Variants in SMIM21 observed in about 807,000 individuals in gnomAD.
SMIM21 encodes the protein small integral membrane protein 21.
SMIM21 carries 8 observed loss-of-function variants against 8.6 expected under a neutral mutation model. The observed-to-expected ratio is 0.93, with a 90% CI of 0.55 to 1.68. The LOEUF is 1.68. Among genes scored for constraint, SMIM21 ranks in the 40% most tolerant of loss-of-function variants. The pLI, the probability that SMIM21 is intolerant of heterozygous loss-of-function variation, is 0.00. For synonymous variants in SMIM21, 43 were observed against 41.7 expected (o/e 1.03, Z -0.12); for missense variants, 132 against 123.0 (o/e 1.07, Z -0.35).
intron 2 of SMIM21, chr18:75,417,767 G>C (rs549669726): frequency 6.5e-6 from 1 of 153,806 alleles, no homozygotes; most frequent in African/African-American, 2.4e-5. Flanking sequence ...GAAGTGATGC[G>C]TACTTACTGG....
At chr18:75,410,960 A>T in intron 2 of SMIM21, 51 bp from the exon 3 acceptor site, 1 of 1,595,642 alleles carries the variant, frequency 6.3e-7, no homozygotes, top group Non-Finnish European at 8.6e-7. Flanking sequence ...GATAGATATA[A>T]TCAAAATATT....
At chr18:75,411,421 G>A (rs1043436295) in intron 2 of SMIM21, among the ~76,000 whole-genome samples, 1 of 152,232 alleles carries the variant, frequency 6.6e-6, no homozygotes, top group African/African-American at 2.4e-5. Flanking sequence ...TTTGTTACAT[G>A]GTGGACACGG....
chr18:75,423,631 T>C (rs548065727), intron 1 of SMIM21, among the ~76,000 whole-genome samples: 31 of 152,372 alleles, frequency 2.0e-4, no homozygotes, highest in African/African-American at 7.5e-4. Flanking sequence ...GATGGGGCTC[T>C]GGCCTCAGGG....
rs2144564184 is a variant in SMIM21 at position 75,427,696 on chromosome 18, TG to T, written c.-134del. The stretch of plus-strand genomic sequence containing the variant: ...CTCTTCTTTGCCAACCTTGAAGATC[TG>T]GGTATTATTTTATGAAGCTGGATGG... On this transcript the variant is annotated 5_prime_UTR_variant, in exon 1 of 3. Coordinates refer to ENST00000579022, the MANE Select transcript of SMIM21 (RefSeq NM_001037331.3). 2.3e-6 allele frequency: 2 copies of T among 886,010 alleles called. No individual in the cohort carries two copies. Among genetic ancestry groups the T allele is most frequent in the East Asian group, 5.5e-5 (2 of 36,144 alleles). The allele number at this position is 886,010 out of a possible 1,614,324, so 54.9% of individuals were successfully genotyped here. A position where few individuals can be genotyped will look rare whatever the true frequency, so the allele number is the denominator to read the frequency against.
At chr18:75,422,211 A>T (rs2024716646) in intron 1 of SMIM21, among the ~76,000 whole-genome samples, 2 of 152,114 alleles carry the variant, frequency 1.3e-5, no homozygotes, top group South Asian at 4.1e-4. Flanking sequence ...CTTATTCCTG[A>T]GACAGGGGCG....
chr18:75,413,566 A>G (rs1443441628), intron 2 of SMIM21, among the ~76,000 whole-genome samples: 1 of 152,204 alleles, frequency 6.6e-6, no homozygotes, highest in Non-Finnish European at 1.5e-5. Flanking sequence ...TATTAGTATA[A>G]AACAGGACAC....
rs775001841 is a variant in SMIM21 at position 75,418,933 on chromosome 18, T to C, written c.130-17A>G. ...ATTTTCAAACTGAAAAAGGAAATAA[T>C]TACAGTTACTATTTACAGTGTCTGG... On this transcript the variant is annotated splice_polypyrimidine_tract_variant and intron_variant, in intron 1 of 2. Coordinates refer to ENST00000579022, the MANE Select transcript of SMIM21 (RefSeq NM_001037331.3). 6.5e-7 allele frequency: 1 copy of C among 1,547,576 alleles called. No individual in the cohort carries two copies. The highest frequency in any genetic ancestry group is 1.1e-5 in the South Asian group (1 of 88,974).
chr18:75,425,226 T>A (rs2024749284), intron 1 of SMIM21, among the ~76,000 whole-genome samples: 1 of 152,180 alleles, frequency 6.6e-6, no homozygotes. Context: ...CATCCAGAGA[T>A]ATCTGGATTT....
Position 75,414,104 on chromosome 18 carries a change from C to CACACAT in SMIM21, c.261-3196_261-3195insATGTGT, listed in dbSNP as rs1482616767. On this transcript the variant is annotated intron_variant, in intron 2 of 2. Transcript: ENST00000579022. ...ACACACACACACACACACATACACA[C>CACACAT]ACACACACACACACACATACACACA... 5.0e-5 allele frequency among the ~76,000 whole-genome samples: 7 copies of CACACAT among 139,052 alleles called. No individual in the cohort carries two copies. In the East Asian group the frequency reaches 6.4e-4, roughly 13 times the overall value. The allele number at this position is 139,052 out of a possible 152,430, so 91.2% of individuals were successfully genotyped here.
rs145311974 is a variant in SMIM21, at chr18:75,422,823, T to A, written c.130-3907A>T. Among the ~76,000 whole-genome samples the A allele has an allele frequency of 3.3e-5, 5 of 152,338 alleles. No individual in the cohort carries two copies. The East Asian group carries it at 9.6e-4, about 29-fold the overall frequency. Reference sequence around the variant, plus strand: ...AGAATGGGGAGGAAGGAGTGACTGCTGATGGTCATGAGATTTCTTTATGGG... The same window carrying A: ...AGAATGGGGAGGAAGGAGTGACTGCAGATGGTCATGAGATTTCTTTATGGG... On this transcript the variant is annotated intron_variant, in intron 1 of 2. Transcript: ENST00000579022.
chr18:75,420,959 A>G (rs1178959805), intron 1 of SMIM21, among the ~76,000 whole-genome samples: 2 of 152,184 alleles, frequency 1.3e-5, no homozygotes, highest in Middle Eastern at 3.2e-3. Context: ...ACTAGAAGCC[A>G]ATGAGCCATT....
Position 75,410,806 on chromosome 18 carries a change from C to T in SMIM21, c.*58G>A. ...ATCTGATTTCCTCTTAATTTCTTTT[C>T]ATCTTGAGCAGGGGAAATCCATGGT... is the stretch of plus-strand genomic sequence containing the variant. On this transcript the variant is annotated 3_prime_UTR_variant, in exon 3 of 3. Coordinates refer to ENST00000579022, the MANE Select transcript of SMIM21 (RefSeq NM_001037331.3). 1.2e-6 allele frequency: 2 copies of T among 1,603,446 alleles called. No individual in the cohort carries two copies. Among genetic ancestry groups the T allele is most frequent in the Non-Finnish European group, 1.7e-6 (2 of 1,176,350 alleles).
At chr18:75,417,336 G>A (rs1472060060) in intron 2 of SMIM21, 2 of 152,192 alleles carry the variant, frequency 1.3e-5, no homozygotes, top group African/African-American at 2.4e-5. Flanking sequence ...TAGAGAGAAC[G>A]GGTAGGTGTA....
In SMIM21 at chr18:75,418,866, A is replaced by T; in HGVS notation, c.180T>A (p.His60Gln). ...TATGATTCCTCAGCAACACCATCAC[A>T]TGGAAAAGAACCAACAATGTGAAGA... ...IRFFTLLVLF[H>Q]VMVLLRNHSR... The change falls in exon 2 of 3, where the codon CAT (histidine) becomes CAA (glutamine). Residue 60 changes from histidine (H) to glutamine (Q), a missense_variant. By Grantham distance (24) the His-to-Gln change is conservative. Coordinates refer to ENST00000579022, the MANE Select transcript of SMIM21 (RefSeq NM_001037331.3). 2.5e-6 allele frequency: 4 copies of T among 1,608,558 alleles called. No individual in the cohort carries two copies. Among genetic ancestry groups the T allele is most frequent in the Non-Finnish European group, 3.4e-6 (4 of 1,174,954 alleles).
rs920550513 is a variant in SMIM21, at chr18:75,425,954, GT to G, written c.129+1480del. 3.0e-4 allele frequency among the ~76,000 whole-genome samples: 45 copies of G among 152,026 alleles called. 3 individuals are homozygous for G. Among genetic ancestry groups the G allele is most frequent in the Non-Finnish European group, 2.9e-5 (2 of 68,004 alleles). On this transcript the variant is annotated intron_variant, in intron 1 of 2. Transcript: ENST00000579022. ...ACTCCTCATGCCTACTGTGTACCTG[GT>G]GCAGACCAGCTGCCCTGAAATGTTT...
chr18:75,418,105 CTTTATT>C, intron 2 of SMIM21: 2 of 398,036 alleles, frequency 5.0e-6, no homozygotes, highest in Non-Finnish European at 4.4e-6. Context: ...TGAGTGGGTG[CTTTATT>C]TTTATTTTTA....
chr18:75,410,673 G>T lies in SMIM21; in HGVS notation c.*191C>A. The T allele has an allele frequency of 7.2e-7, 1 of 1,379,354 alleles. No homozygotes were observed. The highest frequency in any genetic ancestry group is 9.4e-7 in the Non-Finnish European group (1 of 1,062,134). 85.4% of individuals were successfully genotyped at this position (1,379,354 alleles called of 1,614,324 possible). A position where few individuals can be genotyped will look rare whatever the true frequency, so the allele number is the denominator to read the frequency against. ...ATTCCTGAACAGAAAAAGGAAGAGT[G>T]CCCCTCAAGAACAAAGCAGACATTA... is the stretch of plus-strand genomic sequence containing the variant. On this transcript the variant is annotated 3_prime_UTR_variant, in exon 3 of 3. Coordinates refer to ENST00000579022, the MANE Select transcript of SMIM21 (RefSeq NM_001037331.3).
Position 75,418,808 on chromosome 18 carries a change from T to C in SMIM21, c.238A>G (p.Arg80Gly). 6.2e-7 allele frequency: 1 copy of C among 1,609,102 alleles called. No homozygotes were observed. The highest frequency in any genetic ancestry group is 1.1e-5 in the South Asian group (1 of 90,200). Residue 80 changes from arginine (R) to glycine (G), a missense_variant, in exon 2 of 3, where the codon AGG becomes GGG. By Grantham distance (125) the Arg-to-Gly change is moderately radical. Transcript: ENST00000579022. ...RIQGVSEDWK[R>G]ANSIFRNFLR... ...TACTTTCGAAATATGCTGTTGGCCC[T>C]TTTCCAGTCTTCAGAAACCCCTTGT...
intron 1 of SMIM21, among the ~76,000 whole-genome samples, chr18:75,427,109 G>A (rs1031443399): frequency 1.3e-5 from 2 of 152,178 alleles, no homozygotes; most frequent in African/African-American, 4.8e-5. Context: ...AGGTATCCTT[G>A]CATCTGTGTT....
Sources: allele counts gnomAD v4.1 joint callset (sites outside exome capture counted in the v4.1 genomes callset), GRCh38; gene constraint gnomAD v4.1.1; transcripts MANE v1.5; gene names NCBI Gene and HGNC (gene_info 2026-07-23, HGNC 2026-07-21).